Variants in EVC observed in about 807,000 individuals in gnomAD.
The protein encoded by EVC is evC complex member EVC.
A neutral mutation model predicts 118.9 loss-of-function variants in EVC; 116 were observed. The ratio of observed to expected loss-of-function variants is 0.98; its 90% CI spans 0.84 to 1.14. EVC has a LOEUF of 1.14. Among genes scored for constraint, EVC ranks in the 50% most tolerant of loss-of-function variants. EVC has a pLI of 0.00. For synonymous variants in EVC, 619 were observed against 534.7 expected, an observed-to-expected ratio of 1.16 and a Z score of -2.18; for missense variants, 1,401 against 1,246.4, an observed-to-expected ratio of 1.12 and a Z score of -1.87.
intron 13 of EVC, among the ~76,000 whole-genome samples, chr4:5,795,489 T>G (rs1425799260): frequency 1.3e-5 from 2 of 151,988 alleles, no homozygotes; most frequent in Non-Finnish European, 2.9e-5. Context: ...CTGTCTCTAC[T>G]AAAATACAAA....
At chr4:5,788,401 T>C (rs777787537) in intron 12 of EVC, among the ~76,000 whole-genome samples, 2 of 152,152 alleles carry the variant, frequency 1.3e-5, no homozygotes, top group African/African-American at 2.4e-5. Context: ...TCAAGGGTCG[T>C]TGGACTGAGA....
intron 2 of EVC, 129 bp from the exon 3 acceptor site, chr4:5,729,178 A>G: frequency 1.2e-6 from 1 of 815,424 alleles, no homozygotes; most frequent in Non-Finnish European, 2.1e-6. Context: ...ATATGAATCT[A>G]AATGTGCCTA....
At chr4:5,747,212 G>A (rs1729492054) in intron 7 of EVC, among the ~76,000 whole-genome samples, 1 of 105,250 alleles carries the variant, frequency 9.5e-6, no homozygotes, top group African/African-American at 4.4e-5. Context: ...CGCAGTTGAG[G>A]CTGACAGAGT....
chr4:5,766,569 A>G (rs1190910054), intron 11 of EVC, among the ~76,000 whole-genome samples: 1 of 123,276 alleles, frequency 8.1e-6, no homozygotes, highest in East Asian at 2.3e-4. Context: ...GTCTTTTCAC[A>G]TAGTCCCATA....
chr4:5,772,186 G>C (rs1027590864), intron 11 of EVC, among the ~76,000 whole-genome samples: 2 of 152,138 alleles, frequency 1.3e-5, no homozygotes, highest in African/African-American at 4.8e-5. Flanking sequence ...GTGAGCCACC[G>C]TGCCTGGCTG....
the EVC span, among the ~76,000 whole-genome samples, chr4:5,819,545 T>C: frequency 6.6e-6 from 1 of 152,204 alleles, no homozygotes; most frequent in African/African-American, 2.4e-5. Context: ...ATTATGCTGG[T>C]TGGACAGTGG....
chr4:5,815,914 GTTT>G (rs1717600633), downstream of EVC, among the ~76,000 whole-genome samples: 1 of 151,822 alleles, frequency 6.6e-6, no homozygotes, highest in Non-Finnish European at 1.5e-5. Context: ...GTGGCAACTG[GTTT>G]GGAAGGAAGG....
At chr4:5,827,872 G>C in the EVC span, among the ~76,000 whole-genome samples, 2 of 152,204 alleles carry the variant, frequency 1.3e-5, no homozygotes, top group Admixed American at 6.5e-5. Context: ...TCAGCTGTGA[G>C]AAAGTTCCCT....
Position 5,736,404 on chromosome 4 carries a change from A to G in EVC, c.702+2969A>G, listed in dbSNP as rs149643590. Among the ~76,000 whole-genome samples, 1,160 of 152,182 alleles carry G rather than the reference A, an allele frequency of 7.6e-3. 9 individuals are homozygous for G. Among genetic ancestry groups the G allele is most frequent in the Non-Finnish European group, 0.012 (808 of 68,020 alleles). On this transcript the variant is annotated intron_variant, in intron 5 of 20. Coordinates refer to ENST00000264956, the MANE Select transcript of EVC (RefSeq NM_153717.3). ...AATTTCCCAGTTTTGGTACTGCACC[A>G]TGGTGACATCAGAACCACCCCTGGG... is the stretch of plus-strand genomic sequence containing the variant.
At chr4:5,783,236 TCCTGTGTGTGTGCATGTGTGTATATGTG>T (rs1448593453) in intron 11 of EVC, among the ~76,000 whole-genome samples, 11 of 152,186 alleles carry the variant, frequency 7.2e-5, no homozygotes, top group Non-Finnish European at 1.6e-4. Context: ...GTGCATGTGT[TCCTGTGTGTGTGCATGTGTGTATATGTG>T]CCTGTGTCTG....
chr4:5,827,148 G>C, the EVC span, among the ~76,000 whole-genome samples: 1 of 152,248 alleles, frequency 6.6e-6, no homozygotes, highest in Non-Finnish European at 1.5e-5. Context: ...GCAAATTGCT[G>C]TCTTGGCATT....
chr4:5,825,001 C>G, the EVC span: 10,471 of 985,272 alleles, frequency 0.011, 55 homozygotes, highest in Non-Finnish European at 0.012. The surrounding 1 kb of genome is among the most constrained non-coding windows in gnomAD (Gnocchi z 4.4). Context: ...TCCGTTTCCT[C>G]TTTAAATAAA....
intron 5 of EVC, among the ~76,000 whole-genome samples, chr4:5,740,482 A>G (rs928677053): frequency 5.3e-5 from 8 of 151,292 alleles, no homozygotes; most frequent in Non-Finnish European, 1.2e-4. Flanking sequence ...AAAAAAAAAA[A>G]AAAAAGAAAA....
Position 5,801,979 on chromosome 4 carries a change from C to T in EVC, c.2334C>T (p.Ser778=), listed in dbSNP as rs754983705. 6.2e-6 allele frequency: 10 copies of T among 1,613,746 alleles called. No individual in the cohort carries two copies. Among genetic ancestry groups the T allele is most frequent in the East Asian group, 2.2e-5 (1 of 44,878 alleles). Residue 778 remains serine (S), a synonymous_variant, in exon 16 of 21, where the codon AGC becomes AGT. Coordinates refer to ENST00000264956, the MANE Select transcript of EVC (RefSeq NM_153717.3). The stretch of plus-strand genomic sequence containing the variant: ...CACTGATGGAGGCGGCAGTGGAGAG[C>T]GTCTACGTGACCAGCGCTGGTGTCA... ...KRTLMEAAVE[S]VYVTSAGVSR... is the part of the protein sequence containing the mutation.
At chr4:5,825,824 T>G in the EVC span, 4 of 659,928 alleles carry the variant, frequency 6.1e-6, no homozygotes, top group East Asian at 1.2e-4. This position sits in a 1 kb window ranked among gnomAD's most constrained non-coding sequence, Gnocchi z 4.4. Flanking sequence ...TTCACACACA[T>G]GCAGCCGCAC....
intron 11 of EVC, chr4:5,758,268 G>C (rs1003609750): frequency 3.0e-5 from 18 of 601,190 alleles, no homozygotes; most frequent in African/African-American, 3.0e-4. Context: ...TCATACTAAT[G>C]CCCTCCGGAA....
intron 2 of EVC, among the ~76,000 whole-genome samples, chr4:5,722,084 C>A (rs1226438771): frequency 6.6e-6 from 1 of 152,126 alleles, no homozygotes; most frequent in African/African-American, 2.4e-5. Flanking sequence ...AGCTCTGCCA[C>A]ATGTTTGCTG....
At position 5,811,155 on chromosome 4, in the gene EVC, C is replaced by T; in HGVS notation, c.*118C>T. The T allele has an allele frequency of 1.3e-6, 1 of 787,666 alleles. No homozygotes were observed. The highest frequency in any genetic ancestry group is 2.2e-6 in the Non-Finnish European group (1 of 457,594). 48.8% of individuals were successfully genotyped at this position (787,666 alleles called of 1,614,324 possible). A position where few individuals can be genotyped will look rare whatever the true frequency, so the allele number is the denominator to read the frequency against. ...GAGAGGACAGCGGCATCTCTAGGCT[C>T]TTCTGAGAGGGACAGAGAAAGAATA... is the stretch of plus-strand genomic sequence containing the variant. On this transcript the variant is annotated 3_prime_UTR_variant, in exon 21 of 21. Transcript: ENST00000264956.
intron 5 of EVC, among the ~76,000 whole-genome samples, chr4:5,741,083 C>G (rs1243900258): frequency 6.6e-6 from 1 of 152,230 alleles, no homozygotes; most frequent in African/African-American, 2.4e-5. Flanking sequence ...CCAGCAATTG[C>G]ATTTGTGGGC....
Sources: gnomAD v4.1 joint callset for allele counts (sites outside exome capture counted in the v4.1 genomes callset) on GRCh38, gnomAD v4.1.1 for gene constraint, Gnocchi (gnomAD v3.1) non-coding constraint, MANE v1.5 for transcripts, NCBI Gene and HGNC (gene_info 2026-07-23, HGNC 2026-07-21) for gene names.